Variants in RAB40C observed in about 807,000 individuals in gnomAD.
The protein encoded by RAB40C is ras-related protein Rab-40C.
In RAB40C, 8 loss-of-function variants were observed where a neutral mutation model predicts 28.1. That is an observed-to-expected ratio of 0.28 (90% CI 0.17 to 0.51). The LOEUF (loss-of-function observed/expected upper bound fraction) is 0.51. Ranked by LOEUF, RAB40C falls within the 20% of genes least tolerant of loss-of-function variation. The pLI is 0.97. For synonymous variants in RAB40C, 201 were observed against 171.7 expected, an observed-to-expected ratio of 1.17 and a Z score of -1.34; for missense variants, 288 against 405.9, an observed-to-expected ratio of 0.71 and a Z score of 2.50.
At chr16:596,987 A>C (rs550104346) in intron 1 of RAB40C, among the ~76,000 whole-genome samples, 1 of 152,284 alleles carries the variant, frequency 6.6e-6, no homozygotes, top group Admixed American at 6.5e-5. Flanking sequence ...TGTCCTTCAG[A>C]AATTAGCGGA....
chr16:606,548 C>A (rs549742853), intron 1 of RAB40C, among the ~76,000 whole-genome samples: 1 of 152,320 alleles, frequency 6.6e-6, no homozygotes, highest in South Asian at 2.1e-4. Context: ...GGGCTGAAGT[C>A]AAGGTGTTGG....
At chr16:592,279 A>T (rs2036016965) in intron 1 of RAB40C, among the ~76,000 whole-genome samples, 1 of 152,184 alleles carries the variant, frequency 6.6e-6, no homozygotes, top group African/African-American at 2.4e-5. Flanking sequence ...GTGTGGGCGC[A>T]GCATCCCCCA....
intron 1 of RAB40C, among the ~76,000 whole-genome samples, chr16:600,567 A>G (rs1029518205): frequency 3.3e-5 from 5 of 152,192 alleles, no homozygotes; most frequent in Non-Finnish European, 7.3e-5. Context: ...TCTGACCAAC[A>G]TGGTGAAACC....
Position 598,387 on chromosome 16 carries a change from AAAAATAC to A in RAB40C, c.142+7958_142+7964del, listed in dbSNP as rs1266165357. On this transcript the variant is annotated intron_variant, in intron 1 of 5. Coordinates refer to ENST00000248139, the MANE Select transcript of RAB40C (RefSeq NM_021168.5). ...GCGAGACTCCACCTCAAAAAAAAAAAAAAATACAAATACAAATACAAAAATTAGCCGG... is the reference window on the plus strand; with the variant it reads ...GCGAGACTCCACCTCAAAAAAAAAAAAAATACAAATACAAAAATTAGCCGG... Among the ~76,000 whole-genome samples the A allele has an allele frequency of 2.4e-4, 37 of 151,244 alleles. No individual in the cohort carries two copies. The East Asian group carries it at 3.7e-3, about 15-fold the overall frequency.
At chr16:623,860 A>G in intron 3 of RAB40C, 1 of 715,450 alleles carries the variant, frequency 1.4e-6, no homozygotes, top group Non-Finnish European at 1.7e-6. Context: ...TGAGGCTCAG[A>G]ATATCAGGCT....
At chr16:611,628 C>G (rs2036487452) in intron 1 of RAB40C, among the ~76,000 whole-genome samples, 1 of 149,486 alleles carries the variant, frequency 6.7e-6, no homozygotes, top group South Asian at 2.1e-4. Flanking sequence ...GAATCAAGAG[C>G]AGGGACAGCC....
At position 600,213 on chromosome 16, in the gene RAB40C, CT is replaced by C. The variant is rs144083169; in HGVS notation, c.142+9781del. 6.4e-4 allele frequency among the ~76,000 whole-genome samples: 98 copies of C among 152,358 alleles called. 6 individuals carry two copies. In the South Asian group the frequency reaches 0.012, roughly 18 times the overall value. ...GGAGCTCCCTGTGTCCTGGAACAGT[CT>C]GTACTTCCAGCAGATGTGGGTCCTG... On this transcript the variant is annotated intron_variant, in intron 1 of 5. Coordinates refer to ENST00000248139, the MANE Select transcript of RAB40C (RefSeq NM_021168.5).
intron 1 of RAB40C, among the ~76,000 whole-genome samples, chr16:611,426 T>C (rs1000493406): frequency 8.5e-5 from 13 of 152,202 alleles, no homozygotes; most frequent in Admixed American, 7.9e-4. Context: ...CTTTGGCCTC[T>C]CAGGTCAGCC....
At chr16:625,295 G>C (rs1332481700) in intron 3 of RAB40C, 137 bp from the exon 4 acceptor site, 1 of 1,464,372 alleles carries the variant, frequency 6.8e-7, no homozygotes, top group African/African-American at 1.4e-5. Flanking sequence ...GGAGGGCATG[G>C]CTCATCTGCC....
In RAB40C at chr16:590,346, C is replaced by T. The variant is rs75446372; in HGVS notation, c.55C>T (p.Leu19=). ...CTACGACTACCTGCTCAAGTTCCTG[C>T]TGGTGGGCGACAGCGACGTGGGCAA... ...KSYDYLLKFL[L]VGDSDVGKGE... is the part of the protein sequence containing the mutation. Residue 19 remains leucine, a synonymous_variant, in exon 1 of 6, where the codon CTG becomes TTG. Coordinates refer to ENST00000248139, the MANE Select transcript of RAB40C (RefSeq NM_021168.5). The T allele has an allele frequency of 2.3e-5, 37 of 1,592,380 alleles. No individual in the cohort carries two copies. Among genetic ancestry groups the T allele is most frequent in the South Asian group, 1.8e-4 (16 of 87,396 alleles).
chr16:625,286 G>C lies in RAB40C; in HGVS notation c.265-146G>C. 2.1e-6 allele frequency: 3 copies of C among 1,459,554 alleles called. No individual in the cohort carries two copies. In the East Asian group the frequency reaches 7.7e-5, roughly 38 times the overall value. 90.4% of individuals were successfully genotyped at this position (1,459,554 alleles called of 1,614,324 possible). A position where few individuals can be genotyped will look rare whatever the true frequency, so the allele number is the denominator to read the frequency against. On this transcript the variant is annotated intron_variant, in intron 3 of 5. Transcript: ENST00000248139. The stretch of plus-strand genomic sequence containing the variant: ...GGCAGGGCTGCACCAGCTCTGCCTG[G>C]AGGGCATGGCTCATCTGCCCATCCG...
Position 625,937 on chromosome 16 carries a change from G to A in RAB40C, c.381G>A (p.Arg127=). 1.2e-6 allele frequency: 2 copies of A among 1,613,180 alleles called. No homozygotes were observed. Among genetic ancestry groups the A allele is most frequent in the Non-Finnish European group, 1.7e-6 (2 of 1,179,928 alleles). ...PGVPRILVGN[R]LHLAFKRQVP... ...TCCCCCGGATCTTGGTTGGAAACCG[G>A]CTGCACCTGGCCTTCAAGCGGCAGG... is the stretch of plus-strand genomic sequence containing the variant. The change falls in exon 5 of 6, where the codon CGG becomes CGA. Residue 127 remains arginine, a synonymous_variant. Coordinates refer to ENST00000248139, the MANE Select transcript of RAB40C (RefSeq NM_021168.5).
In RAB40C at chr16:590,309, T is replaced by C; in HGVS notation, c.18T>C (p.Ser6=). Residue 6 remains serine, a synonymous_variant, in exon 1 of 6, where the codon AGT becomes AGC. Coordinates refer to ENST00000248139, the MANE Select transcript of RAB40C (RefSeq NM_021168.5). MGSQG[S]PVKSYDYLLK... ...GCGCGGCCATGGGCTCGCAGGGCAGTCCGGTGAAGAGCTACGACTACCTGC... is the reference window on the plus strand; with the variant it reads ...GCGCGGCCATGGGCTCGCAGGGCAGCCCGGTGAAGAGCTACGACTACCTGC... 1 of 1,565,984 alleles carries C rather than the reference T, an allele frequency of 6.4e-7. No homozygotes were observed. The highest frequency in any genetic ancestry group is 8.6e-7 in the Non-Finnish European group (1 of 1,156,204).
At chr16:608,000 G>A (rs558842114) in intron 1 of RAB40C, among the ~76,000 whole-genome samples, 5 of 152,096 alleles carry the variant, frequency 3.3e-5, no homozygotes, top group Admixed American at 1.3e-4. Context: ...TGCTGTGCCC[G>A]TCCCCACCTC....
At chr16:595,475 G>A (rs986910103) in intron 1 of RAB40C, among the ~76,000 whole-genome samples, 2 of 152,172 alleles carry the variant, frequency 1.3e-5, no homozygotes, top group African/African-American at 2.4e-5. Context: ...GCTGCACCGC[G>A]CACACTAAGT....
intron 1 of RAB40C, among the ~76,000 whole-genome samples, chr16:598,079 T>C (rs2036171266): frequency 6.6e-6 from 1 of 150,724 alleles, no homozygotes; most frequent in Non-Finnish European, 1.5e-5. Flanking sequence ...ACCCCGTCTC[T>C]ACTAAAAATA....
chr16:622,502 C>G (rs1042178813), intron 3 of RAB40C, among the ~76,000 whole-genome samples: 1 of 152,156 alleles, frequency 6.6e-6, no homozygotes, highest in African/African-American at 2.4e-5. Context: ...CTAGAGCACT[C>G]GCTCGTTCTT....
chr16:613,347 G>T (rs951919879), intron 1 of RAB40C, among the ~76,000 whole-genome samples: 1 of 151,790 alleles, frequency 6.6e-6, no homozygotes, highest in Non-Finnish European at 1.5e-5. Context: ...CAAGAGCAGG[G>T]GACAGCTGCC....
rs559998190 is a variant in RAB40C, at chr16:625,634, T to C, written c.342+125T>C. ...GGCCCCGGCTCTGCACCCTGCACTG[T>C]CCCACGGCCTACGCCTGGGCATGCT... On this transcript the variant is annotated intron_variant, in intron 4 of 5. Transcript: ENST00000248139. 2.6e-5 allele frequency: 27 copies of C among 1,046,348 alleles called. No homozygotes were observed. In the African/African-American group the frequency reaches 3.9e-4, roughly 15 times the overall value. 64.8% of individuals were successfully genotyped at this position (1,046,348 alleles called of 1,614,324 possible).
Sources: gnomAD v4.1 joint callset for allele counts (sites outside exome capture counted in the v4.1 genomes callset) on GRCh38, gnomAD v4.1.1 for gene constraint, MANE v1.5 for transcripts, NCBI Gene and HGNC (gene_info 2026-07-23, HGNC 2026-07-21) for gene names.